Variants in FARP1 observed in about 807,000 individuals in gnomAD.
FARP1 encodes FERM, ARH/RhoGEF and pleckstrin domain protein 1.
FARP1 carries 52 observed loss-of-function variants against 128.8 expected under a neutral mutation model. That is an observed-to-expected ratio of 0.40 (90% CI 0.32 to 0.51). The LOEUF is 0.51. Among genes scored for constraint, FARP1 ranks in the 20% least tolerant of loss-of-function variants. The pLI is 0.45. For missense variants in FARP1, 1,333 were observed against 1,367.9 expected (o/e 0.97, Z 0.40); for synonymous variants, 580 against 551.8 (o/e 1.05, Z -0.72).
chr13:98,367,825 CTT>C (rs1487846553), intron 4 of FARP1, among the ~76,000 whole-genome samples: 1 of 152,088 alleles, frequency 6.6e-6, no homozygotes, highest in African/African-American at 2.4e-5. Context: ...AGACAAATGA[CTT>C]TATTTTAAAA....
At chr13:98,373,907 C>A (rs1287225318) in intron 5 of FARP1, among the ~76,000 whole-genome samples, 1 of 152,080 alleles carries the variant, frequency 6.6e-6, no homozygotes, top group Non-Finnish European at 1.5e-5. Flanking sequence ...AATACCCTTT[C>A]ATTATTATAA....
chr13:98,362,085 G>A (rs1281406427), intron 3 of FARP1, among the ~76,000 whole-genome samples: 2 of 152,072 alleles, frequency 1.3e-5, no homozygotes, highest in Non-Finnish European at 2.9e-5. Flanking sequence ...GCAACATGGC[G>A]AAACACTGTC....
At chr13:98,182,943 CT>C (rs1466478825) in intron 1 of FARP1, among the ~76,000 whole-genome samples, 1 of 152,164 alleles carries the variant, frequency 6.6e-6, no homozygotes, top group Non-Finnish European at 1.5e-5. Context: ...ACCAGCATTG[CT>C]TGGGCATTGG....
intron 2 of FARP1, among the ~76,000 whole-genome samples, chr13:98,327,341 A>G (rs1887278628): frequency 6.6e-6 from 1 of 152,140 alleles, no homozygotes; most frequent in Non-Finnish European, 1.5e-5. Context: ...TTCTTAGTAT[A>G]TATCTTACAT....
intron 2 of FARP1, 75 bp downstream of exon 2, chr13:98,213,488 C>A: frequency 6.8e-7 from 1 of 1,466,180 alleles, no homozygotes; most frequent in Admixed American, 2.0e-5. Flanking sequence ...TCGGCTCATT[C>A]CCATGGCCAG....
At chr13:98,320,128 T>G (rs563256918) in intron 2 of FARP1, among the ~76,000 whole-genome samples, 62 of 152,326 alleles carry the variant, frequency 4.1e-4, no homozygotes, top group African/African-American at 1.4e-3. Context: ...TCCCTTCATC[T>G]GCAGACCTGC....
chr13:98,145,963 T>G (rs1201395302), intron 1 of FARP1, among the ~76,000 whole-genome samples: 1 of 151,906 alleles, frequency 6.6e-6, no homozygotes, highest in Non-Finnish European at 1.5e-5. Flanking sequence ...AAAGGGTTAG[T>G]TTTTTTTAAA....
chr13:98,390,799 G>A lies in FARP1; in HGVS notation c.1020-13G>A. The A allele has an allele frequency of 6.2e-7, 1 of 1,606,436 alleles. No homozygotes were observed. The highest frequency in any genetic ancestry group is 1.1e-5 in the South Asian group (1 of 90,792). ...GGTATTTCTCCCCTTCCCTGTTGTGGTCTCTGTTTCAGTGGTCGGACTCAG... is the reference window on the plus strand; with the variant it reads ...GGTATTTCTCCCCTTCCCTGTTGTGATCTCTGTTTCAGTGGTCGGACTCAG... On this transcript the variant is annotated splice_polypyrimidine_tract_variant and intron_variant, in intron 10 of 26. Transcript: ENST00000319562.
chr13:98,221,208 T>A (rs758077711), intron 2 of FARP1, among the ~76,000 whole-genome samples: 6 of 152,248 alleles, frequency 3.9e-5, no homozygotes, highest in Non-Finnish European at 5.9e-5. Context: ...TTGGTTCTCA[T>A]GAAAGTAGGT....
In FARP1 at chr13:98,368,110, T is replaced by A. The variant is rs748356796; in HGVS notation, c.320-7T>A. 6.2e-7 allele frequency: 1 copy of A among 1,611,542 alleles called. No individual in the cohort carries two copies. On this transcript the variant is annotated splice_polypyrimidine_tract_variant and splice_region_variant and intron_variant, in intron 4 of 26. Transcript: ENST00000319562. ...AATGCTTTACTTCTTTTTTTCTTCT[T>A]CTTTAGGGCCAAAGCACGTTGTTGT...
intron 18 of FARP1, chr13:98,432,341 G>C (rs1052433164): frequency 1.3e-5 from 2 of 152,276 alleles, no homozygotes; most frequent in African/African-American, 4.8e-5. Flanking sequence ...ATTTTACAGA[G>C]CGTGACGCTG....
At chr13:98,404,894 A>C (rs182222103) in intron 13 of FARP1, 1 of 152,130 alleles carries the variant, frequency 6.6e-6, no homozygotes, top group South Asian at 2.1e-4. Flanking sequence ...TTGGATTACT[A>C]TTTTTTTAGT....
chr13:98,315,648 C>A (rs528230850), intron 2 of FARP1, among the ~76,000 whole-genome samples: 1 of 152,060 alleles, frequency 6.6e-6, no homozygotes, highest in African/African-American at 2.4e-5. Flanking sequence ...TGGAGACGGC[C>A]GTGCTTAGGA....
intron 1 of FARP1, among the ~76,000 whole-genome samples, chr13:98,190,650 C>T (rs1339167769): frequency 1.3e-5 from 2 of 152,108 alleles, no homozygotes; most frequent in Non-Finnish European, 2.9e-5. Flanking sequence ...GCAGTCTCAG[C>T]TCCTGGTCTC....
At chr13:98,273,366 G>A (rs1257350593) in intron 2 of FARP1, among the ~76,000 whole-genome samples, 1 of 152,182 alleles carries the variant, frequency 6.6e-6, no homozygotes, top group African/African-American at 2.4e-5. Context: ...GTCACAAAGA[G>A]TCTGTTTTGC....
At chr13:98,309,152 CCTTTTTTTTTT>C (rs1394713943) in intron 2 of FARP1, among the ~76,000 whole-genome samples, 2 of 106,192 alleles carry the variant, frequency 1.9e-5, no homozygotes, top group African/African-American at 7.5e-5. Context: ...TTTTAAGAGG[CCTTTTTTTTTT>C]TTTTTTTTTT....
At chr13:98,149,691 T>C (rs1566664589) in intron 1 of FARP1, among the ~76,000 whole-genome samples, 1 of 151,610 alleles carries the variant, frequency 6.6e-6, no homozygotes, top group Non-Finnish European at 1.5e-5. Flanking sequence ...TATTGACCAT[T>C]TATATATCTT....
chr13:98,237,643 C>G (rs1436976074), intron 2 of FARP1, among the ~76,000 whole-genome samples: 1 of 152,204 alleles, frequency 6.6e-6, no homozygotes, highest in Non-Finnish European at 1.5e-5. Flanking sequence ...ATACTGTAAA[C>G]TTTGAATGAC....
At chr13:98,327,841 C>T (rs1427844038) in intron 2 of FARP1, among the ~76,000 whole-genome samples, 2 of 152,188 alleles carry the variant, frequency 1.3e-5, no homozygotes, top group East Asian at 3.9e-4. Context: ...GGAAGCATAG[C>T]TTCTGGTCAG....
Sources: gnomAD v4.1 joint callset for allele counts (sites outside exome capture counted in the v4.1 genomes callset) on GRCh38, gnomAD v4.1.1 for gene constraint, MANE v1.5 for transcripts, NCBI Gene and HGNC (gene_info 2026-07-23, HGNC 2026-07-21) for gene names.